Variants in ROBO2 observed in about 807,000 individuals in gnomAD.
ROBO2 encodes roundabout guidance receptor 2, also known as roundabout homolog 2.
ROBO2 carries 53 observed loss-of-function variants against 160.8 expected under a neutral mutation model. That is an observed-to-expected ratio of 0.33 (90% CI 0.26 to 0.41). The LOEUF is 0.41. ROBO2 is among the 10% of genes least tolerant of loss of function. The pLI, the probability that ROBO2 is intolerant of heterozygous loss-of-function variation, is 1.00. For missense variants in ROBO2, 1,577 were observed against 1,722.4 expected (o/e 0.92, Z 1.49); for synonymous variants, 664 against 611.7 (o/e 1.09, Z -1.26).
intron 2 of ROBO2, among the ~76,000 whole-genome samples, chr3:77,141,222 T>A (rs1384234084): frequency 2.0e-5 from 3 of 152,162 alleles, no homozygotes; most frequent in Non-Finnish European, 4.4e-5. Context: ...TATGATTCTG[T>A]GTTGTAGCTG....
intron 2 of ROBO2, among the ~76,000 whole-genome samples, chr3:76,583,471 G>A: frequency 6.6e-6 from 1 of 152,044 alleles, no homozygotes; most frequent in East Asian, 1.9e-4. Context: ...CAAATACAGT[G>A]GCTACTTCTT....
intron 2 of ROBO2, among the ~76,000 whole-genome samples, chr3:76,797,372 AC>A (rs1394232991): frequency 5.9e-5 from 9 of 152,160 alleles, no homozygotes; most frequent in African/African-American, 2.2e-4. Context: ...AAAAAAATTT[AC>A]AAATTTCCTG....
chr3:76,261,377 T>C (rs1335093051), intron 2 of ROBO2, among the ~76,000 whole-genome samples: 2 of 151,962 alleles, frequency 1.3e-5, no homozygotes, highest in Admixed American at 1.3e-4. Context: ...AATTTTAATT[T>C]CTTATATGAT....
chr3:76,033,800 C>G (rs1257432742), intron 2 of ROBO2, among the ~76,000 whole-genome samples: 1 of 152,156 alleles, frequency 6.6e-6, no homozygotes, highest in Admixed American at 6.5e-5. Flanking sequence ...TTGCTGTTGT[C>G]TGGAACACCA....
intron 2 of ROBO2, among the ~76,000 whole-genome samples, chr3:76,535,304 G>A (rs766779349): frequency 1.2e-4 from 19 of 152,052 alleles, no homozygotes; most frequent in Non-Finnish European, 2.4e-4. Flanking sequence ...TAGGGGAGAT[G>A]TGAGGAGAAT....
intron 1 of ROBO2, among the ~76,000 whole-genome samples, chr3:77,075,672 C>CTTTTTTTTTTTTTTTTTTTT (rs1174587812): frequency 1.1e-5 from 1 of 87,258 alleles, no homozygotes; most frequent in African/African-American, 4.9e-5. Flanking sequence ...TTTCTTTCTC[C>CTTTTTTTTTTTTTTTTTTTT]TTTTTTTTTT....
intron 2 of ROBO2, among the ~76,000 whole-genome samples, chr3:77,333,240 T>G (rs1428688519): frequency 1.3e-5 from 2 of 152,228 alleles, no homozygotes; most frequent in East Asian, 3.9e-4. Context: ...ATTTGTTGAT[T>G]CAACCATGCA....
At chr3:77,536,824 A>G (rs975215781) in intron 6 of ROBO2, among the ~76,000 whole-genome samples, 15 of 152,206 alleles carry the variant, frequency 9.9e-5, no homozygotes, top group Non-Finnish European at 1.8e-4. Context: ...ACAAAAATAT[A>G]AGTGTGAAGG....
At chr3:76,191,244 G>A (rs1393478393) in intron 2 of ROBO2, among the ~76,000 whole-genome samples, 1 of 152,052 alleles carries the variant, frequency 6.6e-6, no homozygotes, top group Non-Finnish European at 1.5e-5. Context: ...ATATGCATGT[G>A]GTGCCTACAA....
intron 1 of ROBO2, among the ~76,000 whole-genome samples, chr3:77,053,310 C>A (rs2065402296): frequency 6.6e-6 from 1 of 152,126 alleles, no homozygotes; most frequent in Non-Finnish European, 1.5e-5. Flanking sequence ...AAAAGTCATT[C>A]TCATTCTATT....
intron 2 of ROBO2, among the ~76,000 whole-genome samples, chr3:76,392,311 G>T (rs150512673): frequency 3.0e-4 from 46 of 152,066 alleles, no homozygotes; most frequent in African/African-American, 1.1e-3. Flanking sequence ...GTTTTTTACA[G>T]CCCTGCATGG....
chr3:76,266,048 A>C (rs1707081774), intron 2 of ROBO2, among the ~76,000 whole-genome samples: 1 of 152,166 alleles, frequency 6.6e-6, no homozygotes, highest in Non-Finnish European at 1.5e-5. Context: ...AAAAGGATAA[A>C]ATGTGAAGGA....
chr3:77,259,007 C>G lies in ROBO2; in HGVS notation c.388+160667C>G, dbSNP rs2058607715. 3.3e-5 allele frequency among the ~76,000 whole-genome samples: 5 copies of G among 152,298 alleles called. No homozygotes were observed. The South Asian group carries it at 1.0e-3, about 32-fold the overall frequency. ...TTGACTGATCTCTGCACAGTCAGTT[C>G]TCTTTTCCTGGATTGTCTTTTCCTG... On this transcript the variant is annotated intron_variant, in intron 2 of 25. Transcript: ENST00000461745.
chr3:76,628,851 T>A (rs531879033), intron 2 of ROBO2, among the ~76,000 whole-genome samples: 1 of 152,334 alleles, frequency 6.6e-6, no homozygotes, highest in Non-Finnish European at 1.5e-5. Flanking sequence ...CAGGGCAATG[T>A]ATAGTTTAAG....
intron 2 of ROBO2, among the ~76,000 whole-genome samples, chr3:76,262,002 A>G (rs1379155206): frequency 3.9e-5 from 6 of 152,084 alleles, no homozygotes; most frequent in African/African-American, 1.4e-4. Context: ...TTTTTATTTA[A>G]TTGTCTTTAT....
At chr3:77,608,216 T>C (rs1022260891) in intron 21 of ROBO2, among the ~76,000 whole-genome samples, 2 of 152,218 alleles carry the variant, frequency 1.3e-5, no homozygotes, top group African/African-American at 2.4e-5. Context: ...CCTCCATTTA[T>C]AATATTGCTT....
chr3:77,325,735 A>G (rs2065308758), intron 2 of ROBO2, among the ~76,000 whole-genome samples: 1 of 152,228 alleles, frequency 6.6e-6, no homozygotes, highest in Non-Finnish European at 1.5e-5. Context: ...TCACATAAAT[A>G]TGAACTGTAA....
intron 2 of ROBO2, among the ~76,000 whole-genome samples, chr3:76,752,109 G>C (rs897519196): frequency 6.6e-6 from 1 of 152,128 alleles, no homozygotes; most frequent in Non-Finnish European, 1.5e-5. Flanking sequence ...ATACTATGCA[G>C]CCATAAAAAA....
intron 2 of ROBO2, among the ~76,000 whole-genome samples, chr3:77,316,373 C>T (rs1384672431): frequency 6.6e-6 from 1 of 152,078 alleles, no homozygotes; most frequent in Non-Finnish European, 1.5e-5. Flanking sequence ...CAGTGAGCCT[C>T]TCATCAGTTA....
Sources: allele counts gnomAD v4.1 joint callset (sites outside exome capture counted in the v4.1 genomes callset), GRCh38; gene constraint gnomAD v4.1.1; transcripts MANE v1.5; gene names NCBI Gene and HGNC (gene_info 2026-07-23, HGNC 2026-07-21).